Variants in ROBO2 observed in about 807,000 individuals in gnomAD.
ROBO2 encodes the protein roundabout guidance receptor 2.
A neutral mutation model predicts 160.8 loss-of-function variants in ROBO2; 53 were observed. The ratio of observed to expected loss-of-function variants is 0.33; its 90% CI spans 0.26 to 0.41. The LOEUF (loss-of-function observed/expected upper bound fraction) is 0.41. ROBO2 is among the 10% of genes least tolerant of loss of function. The pLI is 1.00. For synonymous variants in ROBO2, 664 were observed against 611.7 expected, an observed-to-expected ratio of 1.09 and a Z score of -1.26; for missense variants, 1,577 against 1,722.4, an observed-to-expected ratio of 0.92 and a Z score of 1.49.
In ROBO2 at chr3:76,049,030, AAAG is replaced by A. The variant is rs367593879; in HGVS notation, c.109+111434_109+111436del. On this transcript the variant is annotated intron_variant, in intron 2 of 26. Transcript: ENST00000487694. ...TGATGGTACAACTATTAATAAAAAT[AAAG>A]AAGAATTAAAAACCACACAAGATAC... Among the ~76,000 whole-genome samples, 880 of 152,294 alleles carry A rather than the reference AAAG, an allele frequency of 5.8e-3. 3 individuals are homozygous for A. Among genetic ancestry groups the A allele is most frequent in the Admixed American group, 9.7e-3 (149 of 15,288 alleles).
chr3:76,909,835 T>C lies in ROBO2; in HGVS notation c.110-188179T>C, dbSNP rs759529440. Reference sequence around the variant, plus strand: ...GTCATGATTTGAGGGGAAAAGTCTATTTTTACATTTCTTCTCCTTGTCATA... The same window carrying C: ...GTCATGATTTGAGGGGAAAAGTCTACTTTTACATTTCTTCTCCTTGTCATA... On this transcript the variant is annotated intron_variant, in intron 2 of 26. Coordinates refer to the ROBO2 transcript ENST00000487694. Among the ~76,000 whole-genome samples the C allele has an allele frequency of 2.6e-5, 4 of 152,316 alleles. No individual in the cohort carries two copies. The South Asian group carries it at 6.2e-4, about 24-fold the overall frequency.
chr3:76,085,897 A>C (rs2068996457), intron 2 of ROBO2, among the ~76,000 whole-genome samples: 1 of 152,178 alleles, frequency 6.6e-6, no homozygotes, highest in Non-Finnish European at 1.5e-5. Flanking sequence ...ATATTGGATA[A>C]AAATCTCTCA....
At chr3:76,140,453 T>C (rs2071590446) in intron 2 of ROBO2, among the ~76,000 whole-genome samples, 1 of 152,022 alleles carries the variant, frequency 6.6e-6, no homozygotes, top group South Asian at 2.1e-4. Context: ...ATCTTGTTAT[T>C]ATCTTCATTG....
intron 2 of ROBO2, among the ~76,000 whole-genome samples, chr3:76,256,706 C>T (rs1438453774): frequency 6.6e-6 from 1 of 151,916 alleles, no homozygotes; most frequent in Admixed American, 6.6e-5. Context: ...GTAAAGTTAA[C>T]TTTTGTGTTA....
intron 2 of ROBO2, among the ~76,000 whole-genome samples, chr3:75,953,882 A>T (rs1411543387): frequency 6.6e-6 from 1 of 151,858 alleles, no homozygotes; most frequent in African/African-American, 2.4e-5. Context: ...TGGTCTACTT[A>T]CTGCTATTAG....
intron 2 of ROBO2, among the ~76,000 whole-genome samples, chr3:76,751,529 G>A (rs1445849038): frequency 1.3e-5 from 2 of 151,994 alleles, no homozygotes; most frequent in Non-Finnish European, 2.9e-5. Flanking sequence ...GGGAGAAAAT[G>A]TTTGCAATCT....
At chr3:76,960,824 A>G (rs1019665865) in intron 2 of ROBO2, among the ~76,000 whole-genome samples, 5 of 152,190 alleles carry the variant, frequency 3.3e-5, no homozygotes, top group Non-Finnish European at 5.9e-5. Flanking sequence ...CTCTGTAAAA[A>G]TATGAAATAA....
chr3:77,632,534 G>A (rs2153714029), intron 23 of ROBO2: 2 of 1,535,792 alleles, frequency 1.3e-6, no homozygotes, highest in Non-Finnish European at 1.7e-6. Context: ...TCTAGTCATA[G>A]ATCTAGTGTA....
rs538858282 is a variant in ROBO2, at chr3:76,992,198, G to A, written c.110-105816G>A. 1.8e-3 allele frequency among the ~76,000 whole-genome samples: 267 copies of A among 151,448 alleles called. 2 individuals carry two copies. Among genetic ancestry groups the A allele is most frequent in the Admixed American group, 3.3e-3 (50 of 15,186 alleles). ...GTACACTAAAACTAAGTCAGAAAAGGGCAGATAACTGGAGAAAACATGAGA... is the reference window on the plus strand; with the variant it reads ...GTACACTAAAACTAAGTCAGAAAAGAGCAGATAACTGGAGAAAACATGAGA... On this transcript the variant is annotated intron_variant, in intron 2 of 26. Coordinates refer to the ROBO2 transcript ENST00000487694.
intron 2 of ROBO2, among the ~76,000 whole-genome samples, chr3:77,471,569 T>C (rs931174046): frequency 1.3e-5 from 2 of 152,134 alleles, no homozygotes; most frequent in Admixed American, 6.5e-5. Context: ...AGAGAAAGTA[T>C]ATGAAAAGAG....
chr3:77,583,036 G>GTCCCA (rs2093958069), intron 16 of ROBO2, among the ~76,000 whole-genome samples: 1 of 151,454 alleles, frequency 6.6e-6, no homozygotes, highest in Non-Finnish European at 1.5e-5. Flanking sequence ...CAGCTACTCG[G>GTCCCA]GAGGCTGAGG....
At chr3:76,810,404 G>T (rs2108979864) in intron 2 of ROBO2, among the ~76,000 whole-genome samples, 1 of 150,950 alleles carries the variant, frequency 6.6e-6, no homozygotes, top group East Asian at 2.0e-4. Context: ...CTGGGTGAAA[G>T]AAGAATATTT....
intron 2 of ROBO2, among the ~76,000 whole-genome samples, chr3:77,139,958 A>G (rs993801540): frequency 6.6e-6 from 1 of 152,208 alleles, no homozygotes; most frequent in Admixed American, 6.5e-5. Context: ...TTACCTCCTC[A>G]TGACCAGCTG....
intron 1 of ROBO2, among the ~76,000 whole-genome samples, chr3:77,065,708 G>A (rs2066769434): frequency 6.6e-6 from 1 of 152,094 alleles, no homozygotes; most frequent in African/African-American, 2.4e-5. Context: ...TAATGTTATT[G>A]TTTGCATTAG....
chr3:77,259,046 C>G (rs1340866095), intron 2 of ROBO2, among the ~76,000 whole-genome samples: 1 of 152,012 alleles, frequency 6.6e-6, no homozygotes. Context: ...GTCTCCTTGG[C>G]TAATTTCTTC....
intron 2 of ROBO2, among the ~76,000 whole-genome samples, chr3:76,744,209 T>C (rs1251233683): frequency 1.3e-5 from 2 of 152,244 alleles, no homozygotes; most frequent in Middle Eastern, 3.4e-3. Flanking sequence ...GGATTTTGTT[T>C]TTTCATAGCT....
chr3:77,187,836 T>A (rs1180667853), intron 2 of ROBO2, among the ~76,000 whole-genome samples: 1 of 151,948 alleles, frequency 6.6e-6, no homozygotes, highest in Non-Finnish European at 1.5e-5. Context: ...TCTTTCATCA[T>A]AGACCATTGA....
intron 2 of ROBO2, among the ~76,000 whole-genome samples, chr3:76,875,526 C>T (rs1311500261): frequency 1.3e-5 from 2 of 152,140 alleles, no homozygotes; most frequent in African/African-American, 4.8e-5. Context: ...AAGTGGCATT[C>T]GTCTTGGAGA....
intron 2 of ROBO2, among the ~76,000 whole-genome samples, chr3:76,649,488 T>C (rs1382907945): frequency 1.3e-5 from 2 of 152,098 alleles, no homozygotes; most frequent in East Asian, 3.9e-4. Flanking sequence ...TATTTCACAT[T>C]CCTAAAACAA....
Sources: allele counts gnomAD v4.1 joint callset (sites outside exome capture counted in the v4.1 genomes callset), GRCh38; gene constraint gnomAD v4.1.1; transcripts MANE v1.5; gene names NCBI Gene and HGNC (gene_info 2026-07-23, HGNC 2026-07-21).